Variants in EDIL3 observed in about 807,000 individuals in gnomAD.
EDIL3 encodes EGF like and discoidin domains 3.
A neutral mutation model predicts 67.4 loss-of-function variants in EDIL3; 37 were observed. The ratio of observed to expected loss-of-function variants is 0.55; its 90% CI spans 0.42 to 0.72. EDIL3 has a LOEUF of 0.72. Among genes scored for constraint, EDIL3 ranks in the 30% least tolerant of loss-of-function variants. The pLI is 0.00. For synonymous variants in EDIL3, 195 were observed against 196.3 expected, an observed-to-expected ratio of 0.99 and a Z score of 0.05; for missense variants, 527 against 586.3, an observed-to-expected ratio of 0.90 and a Z score of 1.04.
At chr5:84,174,593 AG>A (rs1748867322) in intron 4 of EDIL3, among the ~76,000 whole-genome samples, 1 of 152,056 alleles carries the variant, frequency 6.6e-6, no homozygotes, top group African/African-American at 2.4e-5. Context: ...TGATGCAGAG[AG>A]GGTCCAAGGT....
At chr5:84,039,311 G>A (rs1216622775) in intron 9 of EDIL3, among the ~76,000 whole-genome samples, 1 of 152,112 alleles carries the variant, frequency 6.6e-6, no homozygotes, top group African/African-American at 2.4e-5. Context: ...AGGCTACTGA[G>A]TTGATCACCT....
chr5:84,327,309 G>T (rs2112161861), intron 1 of EDIL3, among the ~76,000 whole-genome samples: 1 of 151,698 alleles, frequency 6.6e-6, no homozygotes, highest in Non-Finnish European at 1.5e-5. Context: ...TCAGCTTAAT[G>T]AAACCATTCT....
intron 3 of EDIL3, among the ~76,000 whole-genome samples, chr5:84,206,381 T>A (rs955603453): frequency 1.3e-5 from 2 of 152,098 alleles, no homozygotes; most frequent in African/African-American, 4.8e-5. Context: ...GAAAAAAATG[T>A]ATATTCTGTT....
At chr5:84,247,815 G>A (rs1354266384) in intron 2 of EDIL3, among the ~76,000 whole-genome samples, 1 of 151,896 alleles carries the variant, frequency 6.6e-6, no homozygotes, top group Non-Finnish European at 1.5e-5. Context: ...AGCCTGGCCA[G>A]ATGTCAATGT....
intron 1 of EDIL3, among the ~76,000 whole-genome samples, chr5:84,328,285 T>C (rs991082971): frequency 3.9e-5 from 6 of 152,042 alleles, no homozygotes; most frequent in Non-Finnish European, 7.4e-5. Context: ...AATCAATCTA[T>C]GTGCATCACA....
chr5:84,061,103 TG>T (rs1318091430), intron 8 of EDIL3, among the ~76,000 whole-genome samples: 1 of 152,148 alleles, frequency 6.6e-6, no homozygotes, highest in East Asian at 1.9e-4. Context: ...CCAGGCATTG[TG>T]CAAGCATAAT....
intron 6 of EDIL3, among the ~76,000 whole-genome samples, chr5:84,085,445 T>C (rs1161744554): frequency 6.6e-6 from 1 of 152,174 alleles, no homozygotes; most frequent in Non-Finnish European, 1.5e-5. Flanking sequence ...CTTCTGCAGG[T>C]CAGCTGCAGT....
Position 84,272,940 on chromosome 5 carries a change from T to C in EDIL3, c.68-18728A>G, listed in dbSNP as rs113700663. The stretch of plus-strand genomic sequence containing the variant: ...GTATGGTTACCACATTGTGTCAACA[T>C]TGTTGTGTTATTTTAGAAATGTATT... On this transcript the variant is annotated intron_variant, in intron 1 of 10. Transcript: ENST00000296591. Among the ~76,000 whole-genome samples, 495 of 152,292 alleles carry C rather than the reference T, an allele frequency of 3.3e-3. 2 individuals are homozygous for C. Among genetic ancestry groups the C allele is most frequent in the African/African-American group, 0.011 (467 of 41,574 alleles).
At chr5:84,322,420 A>G (rs1363670058) in intron 1 of EDIL3, among the ~76,000 whole-genome samples, 1 of 152,130 alleles carries the variant, frequency 6.6e-6, no homozygotes, top group East Asian at 1.9e-4. Flanking sequence ...GAAAAGTACA[A>G]TAACAGAAAT....
At chr5:84,073,814 C>A (rs1203246734) in intron 6 of EDIL3, among the ~76,000 whole-genome samples, 5 of 152,120 alleles carry the variant, frequency 3.3e-5, no homozygotes, top group African/African-American at 1.2e-4. Context: ...ATCAAGCTAC[C>A]AATGACTTTC....
intron 2 of EDIL3, among the ~76,000 whole-genome samples, chr5:84,248,546 T>C (rs867357497): frequency 9.2e-5 from 14 of 152,264 alleles, no homozygotes; most frequent in South Asian, 8.3e-4. Context: ...ACTCATCCAT[T>C]CCCTAAGCTT....
intron 9 of EDIL3, among the ~76,000 whole-genome samples, chr5:83,993,680 G>A (rs534680259): frequency 6.6e-5 from 10 of 152,186 alleles, no homozygotes; most frequent in Admixed American, 2.0e-4. Flanking sequence ...ATTCTAAACC[G>A]GTGGTATTTG....
intron 7 of EDIL3, among the ~76,000 whole-genome samples, chr5:84,065,486 T>C (rs1746622981): frequency 6.6e-6 from 1 of 152,128 alleles, no homozygotes; most frequent in Admixed American, 6.6e-5. Flanking sequence ...TCCAAAAACC[T>C]TATTTAAATT....
chr5:84,316,705 A>G (rs755002857), intron 1 of EDIL3, among the ~76,000 whole-genome samples: 53 of 152,168 alleles, frequency 3.5e-4, no homozygotes, highest in Non-Finnish European at 7.1e-4. Flanking sequence ...GATCAACGAG[A>G]CAGAAAATTA....
chr5:84,123,004 A>C (rs932326313), intron 5 of EDIL3, among the ~76,000 whole-genome samples: 36 of 151,924 alleles, frequency 2.4e-4, no homozygotes, highest in African/African-American at 8.7e-4. Flanking sequence ...GAACATGGTG[A>C]ACTGCCTACC....
At chr5:84,337,764 C>T (rs926604823) in intron 1 of EDIL3, among the ~76,000 whole-genome samples, 2 of 151,972 alleles carry the variant, frequency 1.3e-5, no homozygotes, top group Non-Finnish European at 2.9e-5. Context: ...AAAGTGATTT[C>T]TTCTATAATG....
intron 5 of EDIL3, among the ~76,000 whole-genome samples, chr5:84,132,634 CTA>C (rs200448582): frequency 0.18 from 23,306 of 128,236 alleles, 2,527 homozygotes; most frequent in Non-Finnish European, 0.24. Flanking sequence ...TATATATTGT[CTA>C]TGTTTATGTG....
At chr5:84,227,994 T>A (rs977556622) in intron 3 of EDIL3, among the ~76,000 whole-genome samples, 2 of 152,014 alleles carry the variant, frequency 1.3e-5, no homozygotes. Context: ...CTGGATGCAA[T>A]ATACCCATGT....
chr5:84,040,077 A>G (rs879913789), intron 9 of EDIL3, among the ~76,000 whole-genome samples: 3 of 152,200 alleles, frequency 2.0e-5, no homozygotes, highest in Non-Finnish European at 4.4e-5. Context: ...GAATATTGAG[A>G]TAGTAACAGA....
Sources: allele counts gnomAD v4.1 joint callset (sites outside exome capture counted in the v4.1 genomes callset), GRCh38; gene constraint gnomAD v4.1.1; transcripts MANE v1.5; gene names NCBI Gene and HGNC (gene_info 2026-07-23, HGNC 2026-07-21).